BCR: variants seen among roughly 807,000 people sequenced by gnomAD.
The protein encoded by BCR is breakpoint cluster region protein.
In BCR, 58 loss-of-function variants were observed where a neutral mutation model predicts 138.6. The observed-to-expected ratio is 0.42, with a 90% CI of 0.34 to 0.52. The LOEUF (loss-of-function observed/expected upper bound fraction) is 0.52. Among genes scored for constraint, BCR ranks in the 20% least tolerant of loss-of-function variants. The pLI is 0.06. For synonymous variants in BCR, 786 were observed against 730.1 expected (o/e 1.08, Z -1.23); for missense variants, 1,599 against 1,727.2 (o/e 0.93, Z 1.32).
rs1410969579 is a variant in BCR, at chr22:23,317,782, C to T, written c.*2260C>T. 7 of 112,798 alleles carry T rather than the reference C, an allele frequency of 6.2e-5. 1 individual carries two copies. The highest frequency in any genetic ancestry group is 1.0e-4 in the Non-Finnish European group (6 of 60,126). The allele number at this position is 112,798 out of a possible 1,614,324, so 7.0% of individuals were successfully genotyped here. A position where few individuals can be genotyped will look rare whatever the true frequency, so the allele number is the denominator to read the frequency against. ...GCAAAGCCGGTGTGGGGCTGGGGAACGCAGCGTTCTCCAGGAGGGGGACCT... is the reference window on the plus strand; with the variant it reads ...GCAAAGCCGGTGTGGGGCTGGGGAATGCAGCGTTCTCCAGGAGGGGGACCT... On this transcript the variant is annotated 3_prime_UTR_variant, in exon 23 of 23. Coordinates refer to ENST00000305877, the MANE Select transcript of BCR (RefSeq NM_004327.4).
chr22:23,192,875 C>T (rs1368207024), intron 1 of BCR, among the ~76,000 whole-genome samples: 1 of 152,162 alleles, frequency 6.6e-6, no homozygotes, highest in East Asian at 1.9e-4. Flanking sequence ...TGTGTGTGCA[C>T]AGGGCCAGGT....
intron 1 of BCR, among the ~76,000 whole-genome samples, chr22:23,245,710 T>C (rs913953158): frequency 1.3e-4 from 20 of 151,908 alleles, no homozygotes; most frequent in Admixed American, 1.2e-3. Flanking sequence ...GGCCAGGCGG[T>C]ACTGATGTCC....
chr22:23,241,240 C>T (rs2073087213), intron 1 of BCR, among the ~76,000 whole-genome samples: 1 of 152,214 alleles, frequency 6.6e-6, no homozygotes, highest in African/African-American at 2.4e-5. Flanking sequence ...GCCTGCCCTC[C>T]CAGGCTTGCT....
intron 14 of BCR, among the ~76,000 whole-genome samples, chr22:23,291,577 ACCCTACGCTGC>A (rs2073787806): frequency 6.6e-6 from 1 of 151,750 alleles, no homozygotes; most frequent in African/African-American, 2.4e-5. Context: ...ACAGCGTGAC[ACCCTACGCTGC>A]CCCGTGGTCC....
In BCR at chr22:23,271,578, A is replaced by G. The variant is rs573734025; in HGVS notation, c.1907A>G (p.Lys636Arg). The change falls in exon 6 of 23, where the codon AAG becomes AGG. Residue 636 changes from lysine to arginine, a missense_variant. By Grantham distance (26) the Lys-to-Arg change is conservative. This residue lies in a region of BCR where 590 missense variants were observed against 762.4 expected (regional missense o/e 0.77). Coordinates refer to ENST00000305877, the MANE Select transcript of BCR (RefSeq NM_004327.4). ...AAAGATGCCAAGGATCCAACGACCA[A>G]GAACTCTCTGGAAAGTGAGTTCTGC... Reference protein sequence around the residue: ...SNKDAKDPTTKNSLETLLYKP... With the variant: ...SNKDAKDPTTRNSLETLLYKP... 1.2e-6 allele frequency: 2 copies of G among 1,614,090 alleles called. No homozygotes were observed. The highest frequency in any genetic ancestry group is 1.1e-5 in the South Asian group (1 of 91,082).
intron 1 of BCR, among the ~76,000 whole-genome samples, chr22:23,251,915 A>G (rs1434959125): frequency 1.3e-5 from 2 of 152,230 alleles, no homozygotes; most frequent in African/African-American, 4.8e-5. Flanking sequence ...CCACTGGCTT[A>G]GAAAACTCAG....
chr22:23,218,563 G>A (rs566275986), intron 1 of BCR, among the ~76,000 whole-genome samples: 33 of 152,204 alleles, frequency 2.2e-4, no homozygotes, highest in South Asian at 4.1e-4. Flanking sequence ...GAGGGGTCTG[G>A]CCTGCTCAGT....
At chr22:23,248,174 T>G (rs982606297) in intron 1 of BCR, among the ~76,000 whole-genome samples, 10 of 152,096 alleles carry the variant, frequency 6.6e-5, no homozygotes, top group Non-Finnish European at 1.2e-4. Context: ...TGAAACCCCA[T>G]CTATACTTAA....
At chr22:23,294,958 G>C (rs2073828817) in intron 15 of BCR, 66 bp from the exon 16 acceptor site, 1 of 1,575,536 alleles carries the variant, frequency 6.3e-7, no homozygotes, top group Admixed American at 1.7e-5. Flanking sequence ...CGGTTCAGAG[G>C]ACCCTTCAGC....
intron 1 of BCR, among the ~76,000 whole-genome samples, chr22:23,244,132 G>A (rs533701137): frequency 6.6e-5 from 10 of 152,294 alleles, no homozygotes; most frequent in Middle Eastern, 3.4e-3. Flanking sequence ...TGGCAGAATG[G>A]AATTAAATTA....
chr22:23,314,117 G>A (rs1307823108), intron 21 of BCR, 44 bp downstream of exon 21: 2 of 1,509,816 alleles, frequency 1.3e-6, no homozygotes, highest in Admixed American at 1.7e-5. Context: ...CAGGTCCCCA[G>A]GCCGCAGAGT....
intron 8 of BCR, among the ~76,000 whole-genome samples, chr22:23,275,198 G>C (rs2073562181): frequency 2.6e-5 from 4 of 152,212 alleles, no homozygotes; most frequent in African/African-American, 9.6e-5. Context: ...GGTGGGCCTG[G>C]CCCAGGAAGG....
intron 21 of BCR, 143 bp downstream of exon 21, chr22:23,314,216 C>A: frequency 1.4e-6 from 1 of 695,028 alleles, no homozygotes. Context: ...GCGACTAGTG[C>A]CACTGCCACC....
chr22:23,227,765 C>G (rs1178725818), intron 1 of BCR, among the ~76,000 whole-genome samples: 1 of 152,234 alleles, frequency 6.6e-6, no homozygotes, highest in Non-Finnish European at 1.5e-5. Flanking sequence ...ATTGGAGATT[C>G]AGTTTCCAGG....
intron 12 of BCR, 79 bp downstream of exon 12, chr22:23,288,251 T>C: frequency 1.4e-6 from 2 of 1,391,900 alleles, no homozygotes; most frequent in Non-Finnish European, 2.0e-6. Context: ...TTTTAAACCT[T>C]CTTTTTTATT....
intron 1 of BCR, among the ~76,000 whole-genome samples, chr22:23,239,991 A>AT (rs1290246429): frequency 3.3e-5 from 5 of 151,800 alleles, no homozygotes; most frequent in African/African-American, 9.7e-5. Flanking sequence ...TAATTTTTAT[A>AT]TTTTTTTGTA....
intron 16 of BCR, among the ~76,000 whole-genome samples, chr22:23,301,343 G>A (rs5759691): frequency 6.6e-6 from 1 of 152,136 alleles, no homozygotes; most frequent in African/African-American, 2.4e-5. Context: ...CCTAATGGCA[G>A]CAAGGCTCCA....
At chr22:23,237,968 G>A (rs1237728925) in intron 1 of BCR, among the ~76,000 whole-genome samples, 2 of 152,228 alleles carry the variant, frequency 1.3e-5, no homozygotes, top group Non-Finnish European at 2.9e-5. Flanking sequence ...GAACAGGTGA[G>A]GCTTCCGGTA....
chr22:23,256,820 C>G (rs1415692131), intron 2 of BCR, among the ~76,000 whole-genome samples: 2 of 152,164 alleles, frequency 1.3e-5, no homozygotes, highest in Non-Finnish European at 2.9e-5. Flanking sequence ...TTCACCTGTT[C>G]TCTGTTGGCT....
Sources: gnomAD v4.1 joint callset for allele counts (sites outside exome capture counted in the v4.1 genomes callset) on GRCh38, gnomAD v4.1.1 for gene constraint, gnomAD v4.1.1 regional missense constraint, MANE v1.5 for transcripts, NCBI Gene and HGNC (gene_info 2026-07-23, HGNC 2026-07-21) for gene names.